COL6A6: variants seen among roughly 807,000 people sequenced by gnomAD.
COL6A6 encodes the protein collagen alpha-6(VI) chain.
A neutral mutation model predicts 208.6 loss-of-function variants in COL6A6; 183 were observed. The ratio of observed to expected loss-of-function variants is 0.88; its 90% CI spans 0.78 to 0.99. The LOEUF (loss-of-function observed/expected upper bound fraction) is 0.99, where lower values mean the gene tolerates loss of function less well. Among genes scored for constraint, COL6A6 ranks in the 50% least tolerant of loss-of-function variants. The pLI is 0.00. For synonymous variants in COL6A6, 973 were observed against 1,011.8 expected, an observed-to-expected ratio of 0.96 and a Z score of 0.73; for missense variants, 2,816 against 2,815.2, an observed-to-expected ratio of 1.00 and a Z score of -0.01.
chr3:130,599,685 A>C, intron 19 of COL6A6, 72 bp from the exon 20 acceptor site: 9 of 1,504,750 alleles, frequency 6.0e-6, no homozygotes, highest in Non-Finnish European at 8.3e-6. Context: ...CCTGGAGTAA[A>C]AGTTGATGTT....
At chr3:130,622,466 A>G (rs531193772) in intron 24 of COL6A6, among the ~76,000 whole-genome samples, 1 of 152,294 alleles carries the variant, frequency 6.6e-6, no homozygotes, top group African/African-American at 2.4e-5. Context: ...TATTTTCATA[A>G]CAATCTATGA....
intron 33 of COL6A6, among the ~76,000 whole-genome samples, chr3:130,658,206 C>CT (rs1471132872): frequency 1.3e-5 from 2 of 152,228 alleles, no homozygotes; most frequent in African/African-American, 4.8e-5. Flanking sequence ...GAGGAGGTCT[C>CT]TGATACTCTT....
At chr3:130,530,665 CT>C (rs1025479626) in intron 1 of COL6A6, among the ~76,000 whole-genome samples, 1 of 152,106 alleles carries the variant, frequency 6.6e-6, no homozygotes, top group African/African-American at 2.4e-5. Context: ...GGTGCTTAAC[CT>C]TTGGCTAGGC....
At chr3:130,552,837 C>CCTCTCTTA (rs2062676676) in intron 1 of COL6A6, among the ~76,000 whole-genome samples, 1 of 152,116 alleles carries the variant, frequency 6.6e-6, no homozygotes, top group African/African-American at 2.4e-5. Flanking sequence ...TCTCTTAAGG[C>CCTCTCTTA]AGGTCTGGTA....
intron 23 of COL6A6, among the ~76,000 whole-genome samples, chr3:130,621,182 T>C (rs1001175479): frequency 6.6e-6 from 1 of 152,224 alleles, no homozygotes; most frequent in East Asian, 1.9e-4. Flanking sequence ...CTTAAGGCTT[T>C]CTTTCTTTAG....
intron 20 of COL6A6, among the ~76,000 whole-genome samples, chr3:130,605,086 T>C (rs2064144242): frequency 6.6e-6 from 1 of 152,170 alleles, no homozygotes; most frequent in South Asian, 2.1e-4. Flanking sequence ...ATGCTTCCTG[T>C]TTTTCTGTTT....
Position 130,661,763 on chromosome 3 carries a change from C to T in COL6A6, c.5957C>T (p.Ala1986Val). Residue 1986 changes from alanine to valine, a missense_variant, in exon 35 of 37, where the codon GCC becomes GTC. Coordinates refer to ENST00000358511, the MANE Select transcript of COL6A6 (RefSeq NM_001102608.3). ...MGSAEFEDIR[A>V]FLGALLDHFE... ...AGTGCTGAATTTGAAGACATAAGAGCCTTCCTTGGAGCACTATTAGATCAC... is the reference window on the plus strand; with the variant it reads ...AGTGCTGAATTTGAAGACATAAGAGTCTTCCTTGGAGCACTATTAGATCAC... The T allele has an allele frequency of 6.2e-7, 1 of 1,613,914 alleles. No homozygotes were observed. The highest frequency in any genetic ancestry group is 8.5e-7 in the Non-Finnish European group (1 of 1,179,868).
rs1430543724 is a variant in COL6A6 at position 130,621,802 on chromosome 3, AC to A, written c.4816-15del. 1.2e-6 allele frequency: 2 copies of A among 1,610,652 alleles called. No individual in the cohort carries two copies. Among genetic ancestry groups the A allele is most frequent in the East Asian group, 4.5e-5 (2 of 44,810 alleles). On this transcript the variant is annotated intron_variant, in intron 23 of 36. Transcript: ENST00000358511. ...GCTTTATGTTTTGCTATATTTGCAA[AC>A]CCCTTGTTTTGTTTCAGGGGCCTCC... is the stretch of plus-strand genomic sequence containing the variant.
intron 17 of COL6A6, among the ~76,000 whole-genome samples, chr3:130,594,024 A>G (rs762445942): frequency 2.7e-4 from 41 of 152,324 alleles, no homozygotes; most frequent in Non-Finnish European, 4.9e-4. Flanking sequence ...CCTGGTTCAT[A>G]GAATATTTGT....
At chr3:130,559,527 A>G (rs2062835167) in intron 1 of COL6A6, among the ~76,000 whole-genome samples, 1 of 152,254 alleles carries the variant, frequency 6.6e-6, no homozygotes, top group African/African-American at 2.4e-5. Flanking sequence ...GTGTTGCACA[A>G]TTAAGCAGGA....
At chr3:130,642,560 T>C (rs1245117571) in intron 29 of COL6A6, among the ~76,000 whole-genome samples, 7 of 152,136 alleles carry the variant, frequency 4.6e-5, no homozygotes, top group Non-Finnish European at 7.4e-5. Context: ...TCCTGGTAAT[T>C]CTGGACAATG....
rs185535553 is a variant in COL6A6, at chr3:130,532,950, C to A, written c.-32+15553C>A. Among the ~76,000 whole-genome samples, 406 of 152,190 alleles carry A rather than the reference C, an allele frequency of 2.7e-3. 4 individuals are homozygous for A. Among genetic ancestry groups the A allele is most frequent in the African/African-American group, 8.9e-3 (369 of 41,498 alleles). On this transcript the variant is annotated intron_variant, in intron 1 of 36. Transcript: ENST00000358511. ...CTTAGATTTTTTCACAATATGGATT[C>A]AGAATAGCGGAACTCCTTACTGGCA...
chr3:130,646,135 A>C (rs1365494366), intron 32 of COL6A6, among the ~76,000 whole-genome samples: 1 of 152,160 alleles, frequency 6.6e-6, no homozygotes, highest in Non-Finnish European at 1.5e-5. Flanking sequence ...CCTAAAACTT[A>C]AAGTATAATA....
chr3:130,574,137 A>G lies in COL6A6; in HGVS notation c.3159A>G (p.Pro1053=), dbSNP rs2063236245. ...QFSDTYHPEF[P]LGTFIGEKEI... is the part of the protein sequence containing the mutation. ...GCGATACCTATCACCCGGAGTTTCC[A>G]CTGGGAACTTTCATAGGTGAAAAAG... is the stretch of plus-strand genomic sequence containing the variant. Residue 1053 remains proline (P), a synonymous_variant, in exon 8 of 37, where the codon CCA becomes CCG. Transcript: ENST00000358511. The G allele has an allele frequency of 1.2e-6, 2 of 1,613,882 alleles. No homozygotes were observed. Among genetic ancestry groups the G allele is most frequent in the Admixed American group, 1.7e-5 (1 of 60,008 alleles).
intron 2 of COL6A6, 99 bp from the exon 3 acceptor site, chr3:130,562,969 A>G (rs992350407): frequency 1.2e-6 from 1 of 851,694 alleles, no homozygotes; most frequent in African/African-American, 1.7e-5. Context: ...GTATTTTAAA[A>G]ATAAAAAGGA....
At chr3:130,648,916 C>T (rs1576394546) in intron 32 of COL6A6, among the ~76,000 whole-genome samples, 153 bp from the exon 33 acceptor site, 2 of 151,894 alleles carry the variant, frequency 1.3e-5, no homozygotes, top group South Asian at 4.2e-4. Context: ...TATAATTATT[C>T]AAGATTTAAA....
chr3:130,548,696 CA>C (rs1250092840), intron 1 of COL6A6, among the ~76,000 whole-genome samples: 1 of 152,238 alleles, frequency 6.6e-6, no homozygotes, highest in East Asian at 1.9e-4. Flanking sequence ...GGTAAACTCA[CA>C]AAAGTGGGTT....
intron 1 of COL6A6, among the ~76,000 whole-genome samples, chr3:130,556,614 GATTA>G (rs1284477269): frequency 2.0e-5 from 3 of 151,938 alleles, no homozygotes; most frequent in Non-Finnish European, 4.4e-5. Flanking sequence ...TCTTTTCAAA[GATTA>G]ATTTTCTTTT....
chr3:130,674,735 G>C (rs895014365), intron 36 of COL6A6, among the ~76,000 whole-genome samples: 1 of 152,206 alleles, frequency 6.6e-6, no homozygotes, highest in Non-Finnish European at 1.5e-5. Flanking sequence ...TGAACCTTCT[G>C]TCTGGTTGGG....
Sources: allele counts gnomAD v4.1 joint callset (sites outside exome capture counted in the v4.1 genomes callset), GRCh38; gene constraint gnomAD v4.1.1; transcripts MANE v1.5; gene names NCBI Gene and HGNC (gene_info 2026-07-23, HGNC 2026-07-21).